The following B3GALT1 variants were observed in gnomAD, a reference collection of about 807,000 sequenced individuals.
B3GALT1 encodes the protein beta-1,3-galactosyltransferase 1, also known as UDP-Gal:betaGlcNAc beta 1,3-galactosyltransferase, polypeptide 1.
In B3GALT1, 10 loss-of-function variants were observed where a neutral mutation model predicts 23.2. That is an observed-to-expected ratio of 0.43 (90% CI 0.27 to 0.73). The LOEUF is 0.73. B3GALT1 is among the 30% of genes least tolerant of loss of function. The probability of loss-of-function intolerance (pLI) is 0.21; values close to 1 mark genes in which losing one functional copy is unlikely to be tolerated. For synonymous variants in B3GALT1, 156 were observed against 141.5 expected (o/e 1.10, Z -0.73); for missense variants, 299 against 405.4 (o/e 0.74, Z 2.25).
chr2:167,717,788 G>A (rs1278126153), intron 3 of B3GALT1, among the ~76,000 whole-genome samples: 1 of 152,136 alleles, frequency 6.6e-6, no homozygotes, highest in Non-Finnish European at 1.5e-5. Context: ...ATTTGGCAAA[G>A]GCAAGATAAT....
At chr2:167,398,800 T>C (rs1698140615) in intron 1 of B3GALT1, among the ~76,000 whole-genome samples, 1 of 152,090 alleles carries the variant, frequency 6.6e-6, no homozygotes, top group Admixed American at 6.6e-5. Flanking sequence ...GTTGGACCAA[T>C]AGTTGTAGCT....
intron 1 of B3GALT1, among the ~76,000 whole-genome samples, chr2:167,327,526 T>A (rs1696913967): frequency 6.6e-6 from 1 of 152,122 alleles, no homozygotes; most frequent in Non-Finnish European, 1.5e-5. Context: ...TTTGGCTATT[T>A]CATTATAGGT....
intron 1 of B3GALT1, among the ~76,000 whole-genome samples, chr2:167,386,911 G>A (rs926765172): frequency 2.0e-5 from 3 of 152,276 alleles, no homozygotes; most frequent in Admixed American, 1.3e-4. Context: ...GGATGAAGTC[G>A]AAGCTGCGTT....
chr2:167,396,751 A>G (rs1698105567), intron 1 of B3GALT1, among the ~76,000 whole-genome samples: 1 of 152,016 alleles, frequency 6.6e-6, no homozygotes. Context: ...GAAGCCCAGG[A>G]CATGACCAAG....
chr2:167,332,528 A>T (rs1372070017), intron 1 of B3GALT1, among the ~76,000 whole-genome samples: 2 of 152,250 alleles, frequency 1.3e-5, no homozygotes, highest in Non-Finnish European at 2.9e-5. Context: ...GCATTTAGTT[A>T]AGGATATGTG....
intron 2 of B3GALT1, among the ~76,000 whole-genome samples, chr2:167,617,115 C>T (rs1685174085): frequency 6.6e-6 from 1 of 152,030 alleles, no homozygotes; most frequent in Non-Finnish European, 1.5e-5. Context: ...TTTTGTTTTC[C>T]TATGTCCCAC....
chr2:167,375,088 G>A (rs1198838207), intron 1 of B3GALT1, among the ~76,000 whole-genome samples: 1 of 152,114 alleles, frequency 6.6e-6, no homozygotes. Flanking sequence ...TTATTGAATA[G>A]AGAATCCTTT....
At chr2:167,679,365 C>T (rs1465841926) in intron 3 of B3GALT1, among the ~76,000 whole-genome samples, 2 of 150,710 alleles carry the variant, frequency 1.3e-5, no homozygotes, top group East Asian at 3.9e-4. Context: ...GTGATCCGCC[C>T]ACCTCGGCCT....
chr2:167,775,518 G>A (rs1269905988), intron 3 of B3GALT1, among the ~76,000 whole-genome samples: 11 of 147,948 alleles, frequency 7.4e-5, no homozygotes, highest in Admixed American at 3.4e-4. Flanking sequence ...GCAGTGAGCC[G>A]AGATCACACC....
chr2:167,843,712 G>A (rs2105403624), intron 4 of B3GALT1, among the ~76,000 whole-genome samples: 1 of 152,312 alleles, frequency 6.6e-6, no homozygotes, highest in African/African-American at 2.4e-5. Context: ...GTGCCGTTCT[G>A]TGTACTTGAC....
chr2:167,726,199 A>G (rs1687311854), intron 3 of B3GALT1, among the ~76,000 whole-genome samples: 1 of 152,112 alleles, frequency 6.6e-6, no homozygotes, highest in East Asian at 1.9e-4. Context: ...CCTGCTTCCA[A>G]GTATTTCTAG....
intron 3 of B3GALT1, among the ~76,000 whole-genome samples, chr2:167,648,267 G>T (rs1457565673): frequency 6.6e-6 from 1 of 152,020 alleles, no homozygotes; most frequent in Non-Finnish European, 1.5e-5. Flanking sequence ...AAAGCATAAA[G>T]GATAATGTCC....
intron 1 of B3GALT1, among the ~76,000 whole-genome samples, chr2:167,299,103 C>T (rs546766707): frequency 6.2e-4 from 95 of 152,210 alleles, no homozygotes; most frequent in African/African-American, 2.1e-3. Context: ...ATATACTGCA[C>T]TTAGTTTTAA....
At chr2:167,585,318 T>C (rs959340792) in intron 2 of B3GALT1, among the ~76,000 whole-genome samples, 13 of 152,160 alleles carry the variant, frequency 8.5e-5, no homozygotes, top group African/African-American at 3.1e-4. Context: ...ATGTCCAAAA[T>C]TTATATGTTG....
chr2:167,485,780 C>T (rs1699619141), intron 1 of B3GALT1, among the ~76,000 whole-genome samples: 1 of 152,110 alleles, frequency 6.6e-6, no homozygotes, highest in Non-Finnish European at 1.5e-5. Context: ...GTCACTAGTT[C>T]CAAAGATTTC....
intron 2 of B3GALT1, among the ~76,000 whole-genome samples, chr2:167,531,444 AC>A: frequency 6.6e-6 from 1 of 152,276 alleles, no homozygotes; most frequent in East Asian, 1.9e-4. Context: ...TGAAGATTGA[AC>A]CTGCTGTGGT....
At chr2:167,641,958 C>T (rs1014668733) in intron 2 of B3GALT1, among the ~76,000 whole-genome samples, 2 of 152,194 alleles carry the variant, frequency 1.3e-5, no homozygotes, top group African/African-American at 2.4e-5. Flanking sequence ...CATTGGAACT[C>T]CTAGTTTCCC....
chr2:167,352,554 TA>T (rs763303379), intron 1 of B3GALT1, among the ~76,000 whole-genome samples: 2,438 of 113,058 alleles, frequency 0.022, 61 homozygotes, highest in African/African-American at 0.066. Flanking sequence ...CCGTCTCTAC[TA>T]AAAAAAAAAA....
chr2:167,636,819 A>C (rs1685564736), intron 2 of B3GALT1, among the ~76,000 whole-genome samples: 1 of 151,966 alleles, frequency 6.6e-6, no homozygotes, highest in Non-Finnish European at 1.5e-5. Context: ...GGAACATCAC[A>C]CACTGGGGCC....
Sources: allele counts gnomAD v4.1 joint callset (sites outside exome capture counted in the v4.1 genomes callset), GRCh38; gene constraint gnomAD v4.1.1; transcripts MANE v1.5; gene names NCBI Gene and HGNC (gene_info 2026-07-23, HGNC 2026-07-21).